RCL1: variants seen among roughly 807,000 people sequenced by gnomAD.
RCL1 encodes the protein RNA terminal phosphate cyclase like 1.
In RCL1, 24 loss-of-function variants were observed where a neutral mutation model predicts 42.4. That is an observed-to-expected ratio of 0.57 (90% confidence interval 0.41 to 0.80). The LOEUF (loss-of-function observed/expected upper bound fraction) is 0.80, where lower values mean the gene tolerates loss of function less well. Among genes scored for constraint, RCL1 ranks in the 30% least tolerant of loss-of-function variants. RCL1 has a pLI of 0.00. For missense variants in RCL1, 578 were observed against 467.9 expected (o/e 1.24, Z -2.17); for synonymous variants, 228 against 177.3 (o/e 1.29, Z -2.27).
chr9:4,826,573 A>G (rs1024645056), intron 2 of RCL1, among the ~76,000 whole-genome samples: 1 of 152,166 alleles, frequency 6.6e-6, no homozygotes, highest in Non-Finnish European at 1.5e-5. Flanking sequence ...GCTTATTAGG[A>G]TCTCTTTTCT....
At chr9:4,805,503 TA>T (rs150373110) in intron 1 of RCL1, among the ~76,000 whole-genome samples, 1,845 of 152,208 alleles carry the variant, frequency 0.012, 43 homozygotes, top group African/African-American at 0.043. Flanking sequence ...GAGACAGCTT[TA>T]AAAAAAAGTT....
intron 6 of RCL1, 85 bp from the exon 7 acceptor site, chr9:4,844,440 A>T: frequency 9.5e-7 from 1 of 1,051,344 alleles, no homozygotes; most frequent in Non-Finnish European, 1.4e-6. Context: ...GTCAAAAAAA[A>T]TGTTTGTCTT....
At chr9:4,806,030 G>GTGTGTGTGTGTGTGTGTGTGTGTT (rs1815941129) in intron 1 of RCL1, among the ~76,000 whole-genome samples, 1 of 140,378 alleles carries the variant, frequency 7.1e-6, no homozygotes, top group Non-Finnish European at 1.5e-5. Context: ...GTGTGTGTGT[G>GTGTGTGTGTGTGTGTGTGTGTGTT]TGTGTGTGTG....
At chr9:4,802,969 T>TCCTA (rs1460681384) in intron 1 of RCL1, among the ~76,000 whole-genome samples, 1 of 152,022 alleles carries the variant, frequency 6.6e-6, no homozygotes, top group Non-Finnish European at 1.5e-5. Flanking sequence ...TACAGGTGTG[T>TCCTA]ACCACCACAC....
At chr9:4,809,798 C>A (rs1230764547) in intron 1 of RCL1, among the ~76,000 whole-genome samples, 1 of 152,010 alleles carries the variant, frequency 6.6e-6, no homozygotes, top group Admixed American at 6.6e-5. Context: ...AAGTTAGAGA[C>A]ATGATTGGGT....
At chr9:4,805,181 C>T (rs1242555201) in intron 1 of RCL1, among the ~76,000 whole-genome samples, 3 of 152,056 alleles carry the variant, frequency 2.0e-5, no homozygotes. Context: ...GGTGAGACCC[C>T]ATCTCTACAG....
At chr9:4,803,553 T>C (rs1016136895) in intron 1 of RCL1, among the ~76,000 whole-genome samples, 13 of 152,258 alleles carry the variant, frequency 8.5e-5, no homozygotes, top group Non-Finnish European at 1.8e-4. Flanking sequence ...GGATTTAGAA[T>C]TGGAGTGATA....
intron 5 of RCL1, among the ~76,000 whole-genome samples, chr9:4,838,633 G>A (rs1484141123): frequency 6.6e-6 from 1 of 152,214 alleles, no homozygotes; most frequent in Non-Finnish European, 1.5e-5. Context: ...GAACATTGGG[G>A]AAGGGGAAGA....
At chr9:4,793,411 G>A (rs940571112) in intron 1 of RCL1, among the ~76,000 whole-genome samples, 184 bp downstream of exon 1, 1 of 152,120 alleles carries the variant, frequency 6.6e-6, no homozygotes, top group Non-Finnish European at 1.5e-5. Context: ...CGGGGTCGGG[G>A]CCCGAGGGGA....
chr9:4,811,777 T>C lies in RCL1; in HGVS notation c.137-11771T>C, dbSNP rs375666763. On this transcript the variant is annotated intron_variant, in intron 1 of 8. Coordinates refer to ENST00000381750, the MANE Select transcript of RCL1 (RefSeq NM_005772.5). ...TTTAGTTTTTGAGGAATATCTGTAC[T>C]GTTTCCCATAATGGCTATACTAATT... Among the ~76,000 whole-genome samples, 25 of 152,366 alleles carry C rather than the reference T, an allele frequency of 1.6e-4. No homozygotes were observed. The East Asian group carries it at 4.2e-3, about 26-fold the overall frequency.
intron 8 of RCL1, among the ~76,000 whole-genome samples, chr9:4,855,152 A>G (rs551843137): frequency 2.0e-5 from 3 of 152,244 alleles, no homozygotes; most frequent in African/African-American, 7.2e-5. Context: ...TAGAAAAGTC[A>G]GTTGCTTTTT....
chr9:4,793,025 C>G lies in RCL1; in HGVS notation c.-67C>G, dbSNP rs1198728373. 1 of 1,537,620 alleles carries G rather than the reference C, an allele frequency of 6.5e-7. No individual in the cohort carries two copies. Among genetic ancestry groups the G allele is most frequent in the Non-Finnish European group, 8.8e-7 (1 of 1,137,948 alleles). On this transcript the variant is annotated 5_prime_UTR_variant, in exon 1 of 9. Coordinates refer to ENST00000381750, the MANE Select transcript of RCL1 (RefSeq NM_005772.5). ...TCGCCGCCACCACCACCATCGGAGT[C>G]ACGAGTCCCGCGTCTGTCCGAAGTC...
chr9:4,809,105 GT>G (rs34982022), intron 1 of RCL1, among the ~76,000 whole-genome samples: 15 of 145,004 alleles, frequency 1.0e-4, no homozygotes, highest in Admixed American at 4.1e-4. Context: ...GCTTCTTAAG[GT>G]TTTTTTTTTA....
intron 3 of RCL1, among the ~76,000 whole-genome samples, chr9:4,831,120 A>G (rs1816928014): frequency 6.6e-6 from 1 of 152,174 alleles, no homozygotes; most frequent in African/African-American, 2.4e-5. Context: ...CCAAGCCCTC[A>G]TCTGCTTTTC....
At chr9:4,842,186 G>A (rs1307969268) in intron 6 of RCL1, among the ~76,000 whole-genome samples, 1 of 152,128 alleles carries the variant, frequency 6.6e-6, no homozygotes, top group Non-Finnish European at 1.5e-5. Flanking sequence ...CACATCTGAG[G>A]CTTTGCAGGT....
At chr9:4,846,496 GT>G (rs1204948308) in intron 7 of RCL1, among the ~76,000 whole-genome samples, 1 of 152,200 alleles carries the variant, frequency 6.6e-6, no homozygotes, top group Admixed American at 6.5e-5. Context: ...GTAACTAAAA[GT>G]TTGGGGTAGA....
At chr9:4,825,022 C>T (rs1369139428) in intron 2 of RCL1, among the ~76,000 whole-genome samples, 1 of 152,104 alleles carries the variant, frequency 6.6e-6, no homozygotes, top group East Asian at 1.9e-4. Context: ...AACGATTCTC[C>T]TGCCTTAGCC....
chr9:4,829,419 C>G (rs1816876899), intron 3 of RCL1, among the ~76,000 whole-genome samples: 1 of 152,110 alleles, frequency 6.6e-6, no homozygotes, highest in Non-Finnish European at 1.5e-5. Context: ...TCGTAAAGAT[C>G]ATTCCCATTT....
chr9:4,827,228 T>C, intron 3 of RCL1, 195 bp downstream of exon 3: 1 of 1,508,696 alleles, frequency 6.6e-7, no homozygotes, highest in Non-Finnish European at 8.8e-7. Flanking sequence ...AATTCAGGAC[T>C]ATTGTTAACA....
Sources: gnomAD v4.1 joint callset for allele counts (sites outside exome capture counted in the v4.1 genomes callset) on GRCh38, gnomAD v4.1.1 for gene constraint, MANE v1.5 for transcripts, NCBI Gene and HGNC (gene_info 2026-07-23, HGNC 2026-07-21) for gene names.